PRKCQ: variants seen among roughly 807,000 people sequenced by gnomAD.
The protein encoded by PRKCQ is protein kinase C theta.
In PRKCQ, 41 loss-of-function variants were observed where a neutral mutation model predicts 91.2. The observed-to-expected ratio is 0.45, with a 90% confidence interval of 0.35 to 0.58. The LOEUF (loss-of-function observed/expected upper bound fraction) is 0.58, where lower values mean the gene tolerates loss of function less well. PRKCQ is among the 20% of genes least tolerant of loss of function. PRKCQ has a pLI of 0.00. For missense variants in PRKCQ, 673 were observed against 896.5 expected (o/e 0.75, Z 3.18); for synonymous variants, 307 against 316.9 (o/e 0.97, Z 0.33).
At chr10:6,405,094 A>G in the PRKCQ span, among the ~76,000 whole-genome samples, 2 of 151,660 alleles carry the variant, frequency 1.3e-5, no homozygotes, top group African/African-American at 2.4e-5. Context: ...TGATCTTCCA[A>G]CCTCAGCCTC....
chr10:6,547,022 G>T (rs544473925), intron 1 of PRKCQ, among the ~76,000 whole-genome samples: 1 of 152,064 alleles, frequency 6.6e-6, no homozygotes, highest in Admixed American at 6.5e-5. Context: ...CTGTTTATAC[G>T]CTGGATTACA....
intron 14 of PRKCQ, 133 bp downstream of exon 14, chr10:6,462,170 G>A (rs1240668737): frequency 2.2e-5 from 17 of 756,770 alleles, no homozygotes; most frequent in Non-Finnish European, 3.8e-5. Flanking sequence ...ATCATTGTGG[G>A]CAGCAGACCT....
chr10:6,525,550 A>C (rs570425024), intron 1 of PRKCQ, among the ~76,000 whole-genome samples: 45 of 152,378 alleles, frequency 3.0e-4, no homozygotes, highest in South Asian at 6.2e-4. Flanking sequence ...TTACGCTTTC[A>C]GTTGTTCAGG....
Position 6,430,003 on chromosome 10 carries a change from C to T in PRKCQ, c.1965+807G>A, listed in dbSNP as rs1833331057. Among the ~76,000 whole-genome samples the T allele has an allele frequency of 1.3e-5, 2 of 152,132 alleles. No individual in the cohort carries two copies. Among genetic ancestry groups the T allele is most frequent in the African/African-American group, 2.4e-5 (1 of 41,424 alleles). On this transcript the variant is annotated intron_variant, in intron 17 of 17. Transcript: ENST00000263125. This position sits in a 1 kb window ranked among gnomAD's most constrained non-coding sequence, Gnocchi z 4.7. The stretch of plus-strand genomic sequence containing the variant: ...CCGAGTAGCCAGGATTATAGGCGCC[C>T]GCAACCATGCCCAGCTAATTTTTGT...
chr10:6,428,308 G>A lies in PRKCQ; in HGVS notation c.2020C>T (p.Arg674Trp), dbSNP rs1174580914. Residue 674 changes from arginine (R) to tryptophan (W), a missense_variant, in exon 18 of 18, where the codon CGG becomes TGG. By Grantham distance (101) the Arg-to-Trp change is moderately radical (BLOSUM62 -3). Transcript: ENST00000263125. ...FDKEFLNEKP[R>W]LSFADRALIN... The stretch of plus-strand genomic sequence containing the variant: ...AGTGCTCTGTCGGCAAATGACAGCC[G>A]GGGCTTCTCGTTTAAGAATTCTTTG... 13 of 1,613,988 alleles carry A rather than the reference G, an allele frequency of 8.1e-6. No homozygotes were observed. The highest frequency in any genetic ancestry group is 2.2e-5 in the East Asian group (1 of 44,900).
intron 1 of PRKCQ, among the ~76,000 whole-genome samples, chr10:6,575,823 T>C (rs1436554925): frequency 2.0e-5 from 3 of 152,142 alleles, no homozygotes; most frequent in Non-Finnish European, 4.4e-5. Context: ...GGGTGGATCA[T>C]GAGGTCAAGA....
At chr10:6,459,668 G>T (rs1313520520) in intron 14 of PRKCQ, among the ~76,000 whole-genome samples, 1 of 152,240 alleles carries the variant, frequency 6.6e-6, no homozygotes. Context: ...AGAAAAGACA[G>T]ATGGGGGCAA....
chr10:6,518,569 C>A (rs1301153802), intron 1 of PRKCQ, among the ~76,000 whole-genome samples: 1 of 152,118 alleles, frequency 6.6e-6, no homozygotes, highest in Non-Finnish European at 1.5e-5. Flanking sequence ...CGCCTGTAAT[C>A]CCAGCACTTT....
intron 14 of PRKCQ, among the ~76,000 whole-genome samples, chr10:6,457,905 T>C (rs1388141106): frequency 2.6e-5 from 4 of 152,170 alleles, no homozygotes; most frequent in Non-Finnish European, 5.9e-5. Context: ...ACTTGTGAAA[T>C]TGATTTTTTA....
At chr10:6,464,260 G>T in intron 13 of PRKCQ, 53 bp downstream of exon 13, 2 of 1,509,440 alleles carry the variant, frequency 1.3e-6, no homozygotes, top group Non-Finnish European at 1.8e-6. Flanking sequence ...AAAAAAACCA[G>T]CAAGAACTGA....
At chr10:6,453,822 C>G (rs941643159) in intron 15 of PRKCQ, among the ~76,000 whole-genome samples, 2 of 149,412 alleles carry the variant, frequency 1.3e-5, no homozygotes, top group Non-Finnish European at 3.0e-5. Flanking sequence ...ATCGCAAGGA[C>G]AAAAAACCAA....
At chr10:6,503,429 C>A (rs1838026657) in intron 4 of PRKCQ, among the ~76,000 whole-genome samples, 1 of 151,920 alleles carries the variant, frequency 6.6e-6, no homozygotes, top group Admixed American at 6.6e-5. Flanking sequence ...TCTGAAGTTA[C>A]AAGAGTAATA....
chr10:6,444,402 T>G (rs917493671), intron 15 of PRKCQ, among the ~76,000 whole-genome samples: 2 of 152,148 alleles, frequency 1.3e-5, no homozygotes, highest in African/African-American at 4.8e-5. Context: ...GTTCAGATGG[T>G]AAATTTCATG....
At position 6,428,061 on chromosome 10, in the gene PRKCQ, A is replaced by AAAGTC; in HGVS notation, c.*141_*145dup. The AAAGTC allele has an allele frequency of 2.0e-6, 2 of 989,118 alleles. No homozygotes were observed. Among genetic ancestry groups the AAAGTC allele is most frequent in the South Asian group, 3.2e-5 (2 of 61,800 alleles). The allele number at this position is 989,118 out of a possible 1,614,324, so 61.3% of individuals were successfully genotyped here. ...GTAGACTTGGTTTCTGCTACAGATA[A>AAAGTC]AAGTCACATGGGGGCGAACGGGTCT... On this transcript the variant is annotated 3_prime_UTR_variant, in exon 18 of 18. Coordinates refer to ENST00000263125, the MANE Select transcript of PRKCQ (RefSeq NM_006257.5).
chr10:6,426,748 A>C (rs11814914), downstream of PRKCQ, among the ~76,000 whole-genome samples: 1 of 152,158 alleles, frequency 6.6e-6, no homozygotes, highest in Non-Finnish European at 1.5e-5. Flanking sequence ...CAGCCATGTG[A>C]TGAGGTAGGC....
chr10:6,446,943 C>T (rs181535058), intron 15 of PRKCQ, among the ~76,000 whole-genome samples: 13 of 152,180 alleles, frequency 8.5e-5, no homozygotes, highest in African/African-American at 2.4e-4. Flanking sequence ...TCTGGACAGG[C>T]GGGGCTCTGC....
At chr10:6,480,781 C>T (rs1836553467) in intron 11 of PRKCQ, among the ~76,000 whole-genome samples, 1 of 152,158 alleles carries the variant, frequency 6.6e-6, no homozygotes, top group African/African-American at 2.4e-5. Flanking sequence ...GTGACAACAG[C>T]CCTGAACATG....
At chr10:6,404,422 CTCTTTCTTTCTCTCTT>C in the PRKCQ span, among the ~76,000 whole-genome samples, 2 of 103,608 alleles carry the variant, frequency 1.9e-5, no homozygotes, top group Non-Finnish European at 4.9e-5. Context: ...TTTCTTTTTT[CTCTTTCTTTCTCTCTT>C]TCTTTCTCTT....
chr10:6,462,233 T>C lies in PRKCQ; in HGVS notation c.1508+70A>G, dbSNP rs1284766683. 28 of 1,407,004 alleles carry C rather than the reference T, an allele frequency of 2.0e-5. No individual in the cohort carries two copies. In the Admixed American group the frequency reaches 3.6e-4, roughly 18 times the overall value. The allele number at this position is 1,407,004 out of a possible 1,614,324, so 87.2% of individuals were successfully genotyped here. A position where few individuals can be genotyped will look rare whatever the true frequency, so the allele number is the denominator to read the frequency against. On this transcript the variant is annotated intron_variant, in intron 14 of 17. Transcript: ENST00000263125. The stretch of plus-strand genomic sequence containing the variant: ...ACATGGGCTGTCTCACAGCACTCGG[T>C]GCAATGATTAAATTAACTGAGCCAG...
Sources: allele counts gnomAD v4.1 joint callset (sites outside exome capture counted in the v4.1 genomes callset), GRCh38; gene constraint gnomAD v4.1.1; non-coding constraint Gnocchi (gnomAD v3.1); transcripts MANE v1.5; gene names NCBI Gene and HGNC (gene_info 2026-07-23, HGNC 2026-07-21).